Variants in THEMIS observed in about 807,000 individuals in gnomAD.
THEMIS encodes thymocyte selection associated, also known as protein THEMIS.
Under a neutral mutation model 52.6 loss-of-function variants are expected in THEMIS, and 37 were observed. The observed-to-expected ratio is 0.70, with a 90% CI of 0.54 to 0.93. The LOEUF (loss-of-function observed/expected upper bound fraction) is 0.93, where lower values mean the gene tolerates loss of function less well. THEMIS is among the 40% of genes least tolerant of loss of function. THEMIS has a pLI of 0.00. For synonymous variants in THEMIS, 292 were observed against 272.7 expected, an observed-to-expected ratio of 1.07 and a Z score of -0.70; for missense variants, 808 against 763.1, an observed-to-expected ratio of 1.06 and a Z score of -0.69.
At chr6:127,768,903 C>A (rs542589198) in intron 4 of THEMIS, among the ~76,000 whole-genome samples, 1 of 152,242 alleles carries the variant, frequency 6.6e-6, no homozygotes, top group South Asian at 2.1e-4. Flanking sequence ...CGTAATCAAT[C>A]TTTCCTGTTT....
At chr6:127,749,009 G>A (rs1379341043) in intron 4 of THEMIS, among the ~76,000 whole-genome samples, 2 of 151,874 alleles carry the variant, frequency 1.3e-5, no homozygotes, top group Non-Finnish European at 1.5e-5. Flanking sequence ...TGAGGGAGTG[G>A]GATAAGATGA....
intron 2 of THEMIS, among the ~76,000 whole-genome samples, chr6:127,837,700 G>C (rs1778917675): frequency 6.6e-6 from 1 of 151,694 alleles, no homozygotes; most frequent in Admixed American, 6.6e-5. Flanking sequence ...CATTCTCACT[G>C]GACTGAAACA....
chr6:127,823,130 T>C (rs1401419943), intron 3 of THEMIS, among the ~76,000 whole-genome samples: 1 of 152,110 alleles, frequency 6.6e-6, no homozygotes, highest in Non-Finnish European at 1.5e-5. Context: ...AATAAATATA[T>C]ACATAATACA....
intron 1 of THEMIS, among the ~76,000 whole-genome samples, chr6:127,858,177 C>T (rs1236317096): frequency 6.6e-6 from 1 of 151,892 alleles, no homozygotes; most frequent in African/African-American, 2.4e-5. Flanking sequence ...GGAATAGAAG[C>T]CAGAGAATTC....
intron 1 of THEMIS, among the ~76,000 whole-genome samples, chr6:127,867,923 AACACACAC>A: frequency 6.7e-6 from 1 of 150,292 alleles, no homozygotes; most frequent in African/African-American, 2.4e-5. Flanking sequence ...ATTACTATTA[AACACACAC>A]ACACACACAC....
rs148189997 is a variant in THEMIS, at chr6:127,808,464, T to C, written c.1758+4419A>G. ...CTTCATTTATTTAGTCACTTTATAA[T>C]ATTGTTTCCATCAGATTAAAATTCA... On this transcript the variant is annotated intron_variant, in intron 4 of 5. Coordinates refer to ENST00000368248, the MANE Select transcript of THEMIS (RefSeq NM_001010923.3). Among the ~76,000 whole-genome samples, 905 of 152,316 alleles carry C rather than the reference T, an allele frequency of 5.9e-3. 13 individuals carry two copies. Among genetic ancestry groups the C allele is most frequent in the African/African-American group, 0.021 (871 of 41,574 alleles).
chr6:127,703,618 G>T (rs989627334), downstream of THEMIS, among the ~76,000 whole-genome samples: 2 of 152,088 alleles, frequency 1.3e-5, no homozygotes, highest in African/African-American at 4.8e-5. Flanking sequence ...TAAGTACCTT[G>T]CTAGTCACCT....
chr6:127,897,838 T>C (rs1187317824), intron 1 of THEMIS, among the ~76,000 whole-genome samples: 2 of 151,658 alleles, frequency 1.3e-5, no homozygotes, highest in African/African-American at 2.4e-5. Flanking sequence ...AGAATTTTCA[T>C]GACAAAATTA....
chr6:127,851,116 G>A (rs1415278219), intron 2 of THEMIS, among the ~76,000 whole-genome samples: 1 of 151,392 alleles, frequency 6.6e-6, no homozygotes, highest in African/African-American at 2.4e-5. Context: ...AGGAAAAAAA[G>A]TATAAAGAAA....
chr6:127,834,451 G>T (rs1778808807), intron 2 of THEMIS, among the ~76,000 whole-genome samples: 1 of 151,230 alleles, frequency 6.6e-6, no homozygotes, highest in South Asian at 2.1e-4. Flanking sequence ...GGGCGTGGTG[G>T]TGCGTGCCTG....
intron 4 of THEMIS, among the ~76,000 whole-genome samples, chr6:127,762,528 T>G (rs536442921): frequency 6.6e-6 from 1 of 152,148 alleles, no homozygotes; most frequent in South Asian, 2.1e-4. Flanking sequence ...TCAGATAAAA[T>G]ATACTACCAT....
intron 5 of THEMIS, among the ~76,000 whole-genome samples, chr6:127,714,719 C>A (rs780078547): frequency 1.3e-5 from 2 of 151,912 alleles, no homozygotes; most frequent in African/African-American, 2.4e-5. Context: ...GCAAAACTTG[C>A]ACTTTCTACC....
At chr6:127,834,133 G>C (rs1229077281) in intron 2 of THEMIS, among the ~76,000 whole-genome samples, 4 of 152,122 alleles carry the variant, frequency 2.6e-5, no homozygotes, top group Non-Finnish European at 4.4e-5. Context: ...GTTAAAGTGT[G>C]TGATAAAGAA....
chr6:127,915,634 T>A (rs1172530607), intron 1 of THEMIS, among the ~76,000 whole-genome samples: 1 of 149,354 alleles, frequency 6.7e-6, no homozygotes, highest in Non-Finnish European at 1.5e-5. Flanking sequence ...GAGCTACACA[T>A]AAACCTTTAA....
At chr6:127,841,104 T>C (rs1410154050) in intron 2 of THEMIS, among the ~76,000 whole-genome samples, 1 of 151,826 alleles carries the variant, frequency 6.6e-6, no homozygotes, top group Non-Finnish European at 1.5e-5. Context: ...GAACTTTGAG[T>C]GAAGATGATG....
chr6:127,834,145 T>C (rs1400923133), intron 2 of THEMIS, among the ~76,000 whole-genome samples: 1 of 152,026 alleles, frequency 6.6e-6, no homozygotes, highest in Non-Finnish European at 1.5e-5. Flanking sequence ...GATAAAGAAA[T>C]GATACACAGT....
chr6:127,808,498 G>GAT (rs1777794656), intron 4 of THEMIS, among the ~76,000 whole-genome samples: 1 of 152,124 alleles, frequency 6.6e-6, no homozygotes, highest in Non-Finnish European at 1.5e-5. Context: ...CAGATGCACA[G>GAT]ATCCTAAAGA....
At chr6:127,895,252 T>G (rs1348740822) in intron 1 of THEMIS, among the ~76,000 whole-genome samples, 1 of 151,374 alleles carries the variant, frequency 6.6e-6, no homozygotes, top group African/African-American at 2.4e-5. Flanking sequence ...ATTTTCTTTA[T>G]GACTAGGAAT....
At chr6:127,705,752 AC>A (rs1051790974), downstream of THEMIS, among the ~76,000 whole-genome samples, 2 of 152,200 alleles carry the variant, frequency 1.3e-5, no homozygotes, top group African/African-American at 4.8e-5. Context: ...GGGAGATGCA[AC>A]AGTGGGATAT....
Sources: gnomAD v4.1 joint callset for allele counts (sites outside exome capture counted in the v4.1 genomes callset) on GRCh38, gnomAD v4.1.1 for gene constraint, MANE v1.5 for transcripts, NCBI Gene and HGNC (gene_info 2026-07-23, HGNC 2026-07-21) for gene names.